The following VOPP1 variants were observed in gnomAD, a reference collection of about 807,000 sequenced individuals.
VOPP1 encodes WW domain binding protein VOPP1.
Under a neutral mutation model 23.5 loss-of-function variants are expected in VOPP1, and 8 were observed. That is an observed-to-expected ratio of 0.34 (90% CI 0.20 to 0.61). The LOEUF (loss-of-function observed/expected upper bound fraction) is 0.61. VOPP1 is among the 20% of genes least tolerant of loss of function. The probability of loss-of-function intolerance (pLI) is 0.78; values close to 1 mark genes in which losing one functional copy is unlikely to be tolerated. For synonymous variants in VOPP1, 83 were observed against 97.3 expected, an observed-to-expected ratio of 0.85 and a Z score of 0.86; for missense variants, 174 against 238.1, an observed-to-expected ratio of 0.73 and a Z score of 1.77.
intron 1 of VOPP1, among the ~76,000 whole-genome samples, chr7:55,523,531 C>T (rs1049623213): frequency 2.0e-5 from 3 of 152,192 alleles, no homozygotes; most frequent in African/African-American, 7.2e-5. Flanking sequence ...GCTGCTGAAA[C>T]TGCCTGCCCT....
chr7:55,476,344 C>T (rs986396839), intron 4 of VOPP1, among the ~76,000 whole-genome samples: 6 of 141,246 alleles, frequency 4.2e-5, no homozygotes, highest in South Asian at 2.4e-4. Context: ...CCCAGCCCCA[C>T]GGGTGCCAGG....
intron 4 of VOPP1, among the ~76,000 whole-genome samples, chr7:55,464,405 T>G (rs748262463): frequency 6.6e-6 from 1 of 152,184 alleles, no homozygotes; most frequent in Non-Finnish European, 1.5e-5. Context: ...GTTTCCAGGA[T>G]GGTGCCTGGC....
Position 55,456,715 on chromosome 7 carries a change from C to A in VOPP1, n.418-20541G>T, listed in dbSNP as rs371538395. Among the ~76,000 whole-genome samples, 7 of 152,180 alleles carry A rather than the reference C, an allele frequency of 4.6e-5. No homozygotes were observed. In the East Asian group the frequency reaches 7.7e-4, roughly 17 times the overall value. On this transcript the variant is annotated intron_variant and non_coding_transcript_variant, in intron 4 of 4. Coordinates refer to the VOPP1 transcript ENST00000462326. ...AACACAAGAACAGAAAACCGAACACCGCATGTTCTCACTCATAAGTGGGAG... is the reference window on the plus strand; with the variant it reads ...AACACAAGAACAGAAAACCGAACACAGCATGTTCTCACTCATAAGTGGGAG...
At chr7:55,539,240 G>A (rs376554556) in intron 1 of VOPP1, among the ~76,000 whole-genome samples, 1 of 152,140 alleles carries the variant, frequency 6.6e-6, no homozygotes, top group East Asian at 1.9e-4. Context: ...AGCTACTCGG[G>A]AGGCTGAGGC....
At chr7:55,478,894 A>C (rs1792475355) in intron 4 of VOPP1, among the ~76,000 whole-genome samples, 1 of 152,182 alleles carries the variant, frequency 6.6e-6, no homozygotes. Flanking sequence ...ACACTGTTGC[A>C]TCTGTGAGGA....
intron 1 of VOPP1, among the ~76,000 whole-genome samples, chr7:55,530,243 C>A (rs1204134500): frequency 1.3e-5 from 2 of 152,176 alleles, no homozygotes; most frequent in Non-Finnish European, 1.5e-5. Context: ...CTCTCCACAT[C>A]ATCACTAACA....
chr7:55,564,107 T>C (rs1584129861), intron 1 of VOPP1, among the ~76,000 whole-genome samples: 1 of 152,298 alleles, frequency 6.6e-6, no homozygotes, highest in East Asian at 1.9e-4. Flanking sequence ...CCTTAGGCTA[T>C]AGGAACCTGG....
At chr7:55,438,384 G>T (rs1351125105) in intron 4 of VOPP1, among the ~76,000 whole-genome samples, 1 of 152,140 alleles carries the variant, frequency 6.6e-6, no homozygotes, top group Non-Finnish European at 1.5e-5. Context: ...GTTGGAGACA[G>T]TACACATAAG....
At chr7:55,477,921 C>T (rs981144256) in intron 4 of VOPP1, among the ~76,000 whole-genome samples, 2 of 152,202 alleles carry the variant, frequency 1.3e-5, no homozygotes, top group Non-Finnish European at 2.9e-5. Context: ...CAGGTGGAGG[C>T]AGCGCGGCCG....
chr7:55,535,638 G>A (rs546499610), intron 1 of VOPP1, among the ~76,000 whole-genome samples: 23 of 152,328 alleles, frequency 1.5e-4, no homozygotes, highest in Middle Eastern at 3.4e-3. Context: ...AGTGTCACTT[G>A]GATGAAAATT....
intron 4 of VOPP1, among the ~76,000 whole-genome samples, chr7:55,487,885 C>A (rs942887861): frequency 6.6e-6 from 1 of 152,220 alleles, no homozygotes; most frequent in African/African-American, 2.4e-5. Flanking sequence ...GCCCTTCCTT[C>A]CCCCAGGCCT....
intron 1 of VOPP1, among the ~76,000 whole-genome samples, chr7:55,537,929 G>A (rs926566415): frequency 3.9e-5 from 6 of 152,170 alleles, no homozygotes; most frequent in African/African-American, 1.2e-4. Flanking sequence ...GGAGGCCAGC[G>A]TGAATCTGGG....
downstream of VOPP1, among the ~76,000 whole-genome samples, chr7:55,469,508 C>T (rs1791720366): frequency 1.3e-5 from 2 of 152,208 alleles, no homozygotes; most frequent in African/African-American, 2.4e-5. Flanking sequence ...TCAAAAACCA[C>T]ACACAGTGCC....
chr7:55,533,800 G>A (rs946930070), intron 1 of VOPP1, among the ~76,000 whole-genome samples: 1 of 152,148 alleles, frequency 6.6e-6, no homozygotes, highest in African/African-American at 2.4e-5. Context: ...GGTGAACTTC[G>A]ATGATGTTGT....
intron 1 of VOPP1, among the ~76,000 whole-genome samples, chr7:55,553,346 C>T (rs1797689328): frequency 6.6e-6 from 1 of 152,106 alleles, no homozygotes; most frequent in Non-Finnish European, 1.5e-5. Context: ...CCAGTAAAAA[C>T]CTCTTTAAGG....
intron 1 of VOPP1, among the ~76,000 whole-genome samples, chr7:55,554,481 T>C (rs1322398050): frequency 6.6e-6 from 1 of 152,208 alleles, no homozygotes; most frequent in Non-Finnish European, 1.5e-5. Flanking sequence ...CCAAGGACTG[T>C]ACACGAGGAA....
intron 2 of VOPP1, among the ~76,000 whole-genome samples, chr7:55,501,343 A>G (rs1210904387): frequency 2.6e-5 from 4 of 152,238 alleles, no homozygotes; most frequent in East Asian, 3.8e-4. Context: ...ACAAAAATCT[A>G]TGTGTGCCAG....
At chr7:55,494,004 G>T (rs1325880541) in intron 3 of VOPP1, among the ~76,000 whole-genome samples, 1 of 152,150 alleles carries the variant, frequency 6.6e-6, no homozygotes. Context: ...AAGCTGAAGG[G>T]GAAGAAGGGG....
At chr7:55,551,334 G>A (rs1797598037) in intron 1 of VOPP1, among the ~76,000 whole-genome samples, 1 of 152,170 alleles carries the variant, frequency 6.6e-6, no homozygotes, top group Admixed American at 6.5e-5. Context: ...GTTAGGGCGT[G>A]GAGCACCAGA....
Sources: allele counts gnomAD v4.1 joint callset (sites outside exome capture counted in the v4.1 genomes callset), GRCh38; gene constraint gnomAD v4.1.1; transcripts MANE v1.5; gene names NCBI Gene and HGNC (gene_info 2026-07-23, HGNC 2026-07-21).